SLC44A5: variants seen among roughly 807,000 people sequenced by gnomAD.
SLC44A5 encodes the protein choline transporter-like protein 5.
In SLC44A5, 57 loss-of-function variants were observed where a neutral mutation model predicts 101.8. The ratio of observed to expected loss-of-function variants is 0.56; its 90% CI spans 0.45 to 0.70. The LOEUF is 0.70. SLC44A5 is among the 30% of genes least tolerant of loss of function. The pLI is 0.00. For missense variants in SLC44A5, 737 were observed against 853.1 expected (o/e 0.86, Z 1.70); for synonymous variants, 281 against 290.9 (o/e 0.97, Z 0.35).
Position 75,302,112 on chromosome 1 carries a change from G to GTTTTTTTTTTTTTTTTT in SLC44A5, c.102-1444_102-1428dup, listed in dbSNP as rs10684140. Among the ~76,000 whole-genome samples, 31 of 60,124 alleles carry GTTTTTTTTTTTTTTTTT rather than the reference G, an allele frequency of 5.2e-4. 5 individuals carry two copies. The highest frequency in any genetic ancestry group is 9.7e-4 in the African/African-American group (14 of 14,504). The allele number at this position is 60,124 out of a possible 152,430, so 39.4% of individuals were successfully genotyped here. A position where few individuals can be genotyped will look rare whatever the true frequency, so the allele number is the denominator to read the frequency against. Reference sequence around the variant, plus strand: ...AGAAAGCAGGTGCTCTAGTTTTTTTGTTTTTTTTTTTTTTTTTTTTTTTTG... The same window carrying GTTTTTTTTTTTTTTTTT: ...AGAAAGCAGGTGCTCTAGTTTTTTTGTTTTTTTTTTTTTTTTTTTTTTTTTTTTTTTTTTTTTTTTTG... On this transcript the variant is annotated intron_variant, in intron 4 of 23. Coordinates refer to ENST00000370859, the MANE Select transcript of SLC44A5 (RefSeq NM_001130058.2).
At chr1:75,641,694 G>C in the SLC44A5 span, 60 of 1,540,084 alleles carry the variant, frequency 3.9e-5, no homozygotes, top group East Asian at 1.3e-3. Context: ...CTCCAATCTT[G>C]TATGAGATAC....
the SLC44A5 span, among the ~76,000 whole-genome samples, chr1:75,707,121 T>C: frequency 6.6e-6 from 1 of 152,200 alleles, no homozygotes; most frequent in Non-Finnish European, 1.5e-5. Context: ...ATGTAAAGAA[T>C]AATATGTATA....
chr1:75,713,028 A>G, the SLC44A5 span, among the ~76,000 whole-genome samples: 2 of 152,166 alleles, frequency 1.3e-5, no homozygotes, highest in Non-Finnish European at 2.9e-5. Flanking sequence ...TGACTTTACT[A>G]TAACTGCTCC....
chr1:75,244,014 C>A (rs1371139985), intron 7 of SLC44A5, among the ~76,000 whole-genome samples: 1 of 152,122 alleles, frequency 6.6e-6, no homozygotes, highest in Admixed American at 6.6e-5. Context: ...CACATGCCAG[C>A]TCCTCTTTGC....
intron 13 of SLC44A5, among the ~76,000 whole-genome samples, chr1:75,223,923 C>A (rs1647142212): frequency 6.6e-6 from 1 of 152,112 alleles, no homozygotes; most frequent in Non-Finnish European, 1.5e-5. Context: ...TTGAATGAAC[C>A]TATAAAGATA....
intron 2 of SLC44A5, among the ~76,000 whole-genome samples, chr1:75,536,315 C>T (rs1446146308): frequency 1.3e-5 from 2 of 152,050 alleles, no homozygotes; most frequent in African/African-American, 2.4e-5. Context: ...AAATGCCTGG[C>T]CCGGCCAGAC....
chr1:75,477,652 G>C (rs1667517644), intron 2 of SLC44A5, among the ~76,000 whole-genome samples: 1 of 152,214 alleles, frequency 6.6e-6, no homozygotes, highest in Non-Finnish European at 1.5e-5. Flanking sequence ...AAGGGTATCA[G>C]TGATGGAAGA....
At chr1:75,588,718 C>T (rs1674167420) in intron 1 of SLC44A5, among the ~76,000 whole-genome samples, 2 of 147,878 alleles carry the variant, frequency 1.4e-5, no homozygotes, top group African/African-American at 5.0e-5. Flanking sequence ...ATATCTGGTT[C>T]CTATACTTAC....
chr1:75,386,053 GT>G (rs1661316894), intron 3 of SLC44A5, among the ~76,000 whole-genome samples: 1 of 152,024 alleles, frequency 6.6e-6, no homozygotes, highest in South Asian at 2.1e-4. Flanking sequence ...TTGATGGGAC[GT>G]ATTTCAAAAT....
chr1:75,298,303 T>C (rs1654130942), intron 5 of SLC44A5, among the ~76,000 whole-genome samples: 3 of 152,054 alleles, frequency 2.0e-5, no homozygotes, highest in African/African-American at 2.4e-5. Flanking sequence ...AAAAGGTATA[T>C]ATATTTTGTA....
intron 3 of SLC44A5, among the ~76,000 whole-genome samples, chr1:75,354,800 C>T (rs1658949407): frequency 1.3e-5 from 2 of 152,134 alleles, no homozygotes; most frequent in South Asian, 4.1e-4. Flanking sequence ...TCCAGAATTT[C>T]TGAGGTATCT....
chr1:75,566,897 G>A (rs1352487313), intron 1 of SLC44A5, among the ~76,000 whole-genome samples: 1 of 152,114 alleles, frequency 6.6e-6, no homozygotes, highest in African/African-American at 2.4e-5. Context: ...AGACAACTAA[G>A]GCAAAAAGAG....
chr1:75,518,436 G>A (rs1406181339), intron 2 of SLC44A5, among the ~76,000 whole-genome samples: 1 of 152,068 alleles, frequency 6.6e-6, no homozygotes, highest in Non-Finnish European at 1.5e-5. Flanking sequence ...TCGCTGTGAT[G>A]GTTATTACTT....
chr1:75,511,271 T>G (rs750296218), intron 2 of SLC44A5, among the ~76,000 whole-genome samples: 4 of 152,224 alleles, frequency 2.6e-5, no homozygotes, highest in Non-Finnish European at 5.9e-5. Flanking sequence ...ATTCTAAATA[T>G]AGTTAGATTT....
At chr1:75,664,272 C>A in the SLC44A5 span, among the ~76,000 whole-genome samples, 1 of 152,122 alleles carries the variant, frequency 6.6e-6, no homozygotes. Context: ...TGCCCACTCG[C>A]ATTACACCTA....
the SLC44A5 span, among the ~76,000 whole-genome samples, chr1:75,620,975 T>C: frequency 0.012 from 1,884 of 152,296 alleles, 57 homozygotes; most frequent in African/African-American, 0.043. Flanking sequence ...AGGTCTTACA[T>C]TTAAGTCTTT....
intron 2 of SLC44A5, among the ~76,000 whole-genome samples, chr1:75,399,737 A>G (rs1662355523): frequency 6.6e-6 from 1 of 152,254 alleles, no homozygotes. Context: ...AGGAAATATA[A>G]GAACGGTTTT....
At chr1:75,522,267 T>C (rs1670169107) in intron 2 of SLC44A5, 1 of 152,012 alleles carries the variant, frequency 6.6e-6, no homozygotes, top group Non-Finnish European at 1.5e-5. Flanking sequence ...ATGTGTATAA[T>C]GCACCAGTGT....
At chr1:75,438,383 T>C (rs1388861397) in intron 2 of SLC44A5, among the ~76,000 whole-genome samples, 1 of 152,106 alleles carries the variant, frequency 6.6e-6, no homozygotes, top group African/African-American at 2.4e-5. Flanking sequence ...ATATCATGAA[T>C]AAAACATTCT....
Sources: allele counts gnomAD v4.1 joint callset (sites outside exome capture counted in the v4.1 genomes callset), GRCh38; gene constraint gnomAD v4.1.1; transcripts MANE v1.5; gene names NCBI Gene and HGNC (gene_info 2026-07-23, HGNC 2026-07-21).